The following OLFML2B variants were observed in gnomAD, a reference collection of about 807,000 sequenced individuals.
The protein encoded by OLFML2B is olfactomedin-like protein 2B.
OLFML2B carries 57 observed loss-of-function variants against 74.9 expected under a neutral mutation model. The ratio of observed to expected loss-of-function variants is 0.76; its 90% CI spans 0.61 to 0.95. The LOEUF (loss-of-function observed/expected upper bound fraction) is 0.95, where lower values mean the gene tolerates loss of function less well. OLFML2B is among the 40% of genes least tolerant of loss of function. The pLI, the probability that OLFML2B is intolerant of heterozygous loss-of-function variation, is 0.00. For missense variants in OLFML2B, 986 were observed against 970.6 expected, an observed-to-expected ratio of 1.02 and a Z score of -0.21; for synonymous variants, 388 against 405.8, an observed-to-expected ratio of 0.96 and a Z score of 0.53.
In OLFML2B at chr1:162,023,248, G is replaced by A. The variant is rs1690776484; in HGVS notation, c.174+9C>T. On this transcript the variant is annotated intron_variant, in intron 1 of 7. Coordinates refer to ENST00000294794, the MANE Select transcript of OLFML2B (RefSeq NM_015441.3). ...GCAAGAAGGGCGGTCGTGGCACTCT[G>A]CATCCTACCTGAGATAAAACGTTCT... is the stretch of plus-strand genomic sequence containing the variant. The A allele has an allele frequency of 5.3e-6, 8 of 1,503,578 alleles. No individual in the cohort carries two copies. Among genetic ancestry groups the A allele is most frequent in the South Asian group, 1.3e-5 (1 of 75,854 alleles). 93.1% of individuals were successfully genotyped at this position (1,503,578 alleles called of 1,614,324 possible).
Position 162,009,541 on chromosome 1 carries a change from G to C in OLFML2B, c.547-3068C>G, listed in dbSNP as rs543612026. On this transcript the variant is annotated intron_variant, in intron 3 of 7. Transcript: ENST00000294794. ...GTCTCCCATCCCCTTTTGGGTGTCA[G>C]TGAGGAGCCATTATTCTGCATTTCC... is the stretch of plus-strand genomic sequence containing the variant. Among the ~76,000 whole-genome samples the C allele has an allele frequency of 1.7e-3, 260 of 152,328 alleles. 2 individuals carry two copies. Among genetic ancestry groups the C allele is most frequent in the Non-Finnish European group, 2.1e-3 (146 of 68,024 alleles).
At chr1:162,012,381 T>A (rs1296512013) in intron 3 of OLFML2B, among the ~76,000 whole-genome samples, 24 of 152,250 alleles carry the variant, frequency 1.6e-4, no homozygotes, top group Admixed American at 1.6e-3. Context: ...TCTTTGATCA[T>A]GCCTTTCAGT....
intron 6 of OLFML2B, among the ~76,000 whole-genome samples, chr1:161,985,595 A>G (rs1220356841): frequency 6.6e-6 from 1 of 152,200 alleles, no homozygotes; most frequent in Non-Finnish European, 1.5e-5. Context: ...GGGTGTAACC[A>G]GGAACTCGGC....
At chr1:162,000,703 C>T (rs1162022607) in intron 4 of OLFML2B, among the ~76,000 whole-genome samples, 1 of 152,086 alleles carries the variant, frequency 6.6e-6, no homozygotes, top group African/African-American at 2.4e-5. Flanking sequence ...ATGCAGTCCT[C>T]CTCTTGGATC....
chr1:161,990,687 T>C (rs767426748), intron 6 of OLFML2B, among the ~76,000 whole-genome samples: 3 of 152,216 alleles, frequency 2.0e-5, no homozygotes, highest in Admixed American at 6.5e-5. Flanking sequence ...GGCAATTTCT[T>C]AAAATAAGAC....
intron 3 of OLFML2B, among the ~76,000 whole-genome samples, chr1:162,007,814 G>T (rs1332474681): frequency 6.6e-6 from 1 of 152,140 alleles, no homozygotes; most frequent in Non-Finnish European, 1.5e-5. Context: ...CTTGTTAAAT[G>T]AACCTGGCTC....
At chr1:162,009,006 C>T (rs1690305662) in intron 3 of OLFML2B, among the ~76,000 whole-genome samples, 2 of 152,178 alleles carry the variant, frequency 1.3e-5, no homozygotes, top group South Asian at 4.1e-4. Context: ...CCAAGCCCAG[C>T]AGGTGCAGGG....
intron 3 of OLFML2B, among the ~76,000 whole-genome samples, chr1:162,013,950 T>C (rs530158903): frequency 6.8e-6 from 1 of 147,282 alleles, no homozygotes; most frequent in Non-Finnish European, 1.5e-5. Context: ...TTCTGTAGGA[T>C]TCTATGTATT....
At position 162,017,317 on chromosome 1, in the gene OLFML2B, C is replaced by T. The variant is rs1285575689; in HGVS notation, c.546+83G>A. 3 of 988,182 alleles carry T rather than the reference C, an allele frequency of 3.0e-6. No individual in the cohort carries two copies. The African/African-American group carries it at 4.8e-5, about 16-fold the overall frequency. 61.2% of individuals were successfully genotyped at this position (988,182 alleles called of 1,614,324 possible). A position where few individuals can be genotyped will look rare whatever the true frequency, so the allele number is the denominator to read the frequency against. On this transcript the variant is annotated intron_variant, in intron 3 of 7. Transcript: ENST00000294794. ...GGGTTAAGTCTAGTCAGCACATGTG[C>T]TAGCTGAAAATTTACTGTGGGACGT...
intron 3 of OLFML2B, among the ~76,000 whole-genome samples, chr1:162,012,846 A>G (rs1435941999): frequency 6.6e-6 from 1 of 152,240 alleles, no homozygotes; most frequent in Non-Finnish European, 1.5e-5. Context: ...TTTTACAGAA[A>G]TGACTGAAAC....
intron 7 of OLFML2B, 108 bp downstream of exon 7, chr1:161,984,696 G>T: frequency 8.8e-7 from 1 of 1,142,578 alleles, no homozygotes. Context: ...TCAGAAGAAG[G>T]TGTCATCCTT....
Position 162,019,911 on chromosome 1 carries a change from G to A in OLFML2B, c.438+8C>T. 2.5e-6 allele frequency: 4 copies of A among 1,613,832 alleles called. No homozygotes were observed. Among genetic ancestry groups the A allele is most frequent in the Non-Finnish European group, 3.4e-6 (4 of 1,179,870 alleles). ...TCGTCCAAGGCATTGCCCCATACCA[G>A]GTCCTACCTTCAAGTCCTGGCTGTC... On this transcript the variant is annotated splice_region_variant and intron_variant, in intron 2 of 7. Coordinates refer to ENST00000294794, the MANE Select transcript of OLFML2B (RefSeq NM_015441.3).
At chr1:162,000,388 G>T (rs1230639555) in intron 4 of OLFML2B, 50 bp from the exon 5 acceptor site, 4 of 1,521,000 alleles carry the variant, frequency 2.6e-6, no homozygotes, top group East Asian at 4.6e-5. Flanking sequence ...GGTCAGAGAG[G>T]CAGTGGGCAG....
chr1:161,987,055 C>T (rs1017327967), intron 6 of OLFML2B, among the ~76,000 whole-genome samples: 39 of 152,274 alleles, frequency 2.6e-4, no homozygotes, highest in Non-Finnish European at 1.8e-4. Context: ...GGCCCTAATG[C>T]TGGGCTATAG....
At position 161,998,259 on chromosome 1, in the gene OLFML2B, C is replaced by T. The variant is rs76125299; in HGVS notation, c.1040G>A (p.Arg347Gln). Residue 347 changes from arginine to glutamine, a missense_variant, in exon 6 of 8, where the codon CGG (arginine) becomes CAG (glutamine). Arg to Gln is a conservative substitution (Grantham distance 43, BLOSUM62 1). Coordinates refer to ENST00000294794, the MANE Select transcript of OLFML2B (RefSeq NM_015441.3). ...RHNGLMTSVT[R>Q]RPAATRQGHS... ...TCCCTGACGGGTGGCTGCAGGCCTCCGGGTGACACTGGTCATCAGGCCGTT... is the reference window on the plus strand; with the variant it reads ...TCCCTGACGGGTGGCTGCAGGCCTCTGGGTGACACTGGTCATCAGGCCGTT... 3,996 of 1,609,146 alleles carry T rather than the reference C, an allele frequency of 2.5e-3. 75 individuals carry two copies. In the African/African-American group the frequency reaches 0.044, roughly 18 times the overall value.
chr1:162,014,841 T>C (rs549134504), intron 3 of OLFML2B, among the ~76,000 whole-genome samples: 62 of 152,340 alleles, frequency 4.1e-4, no homozygotes, highest in African/African-American at 1.4e-3. Flanking sequence ...ATTTAATGGG[T>C]CTATGGGATA....
Position 161,997,952 on chromosome 1 carries a change from T to TG in OLFML2B, c.1346dup (p.Val450SerfsTer37). 6.2e-7 allele frequency: 1 copy of TG among 1,614,238 alleles called. No homozygotes were observed. The highest frequency in any genetic ancestry group is 8.5e-7 in the Non-Finnish European group (1 of 1,180,036). On this transcript the variant is annotated frameshift_variant, in exon 6 of 8. Transcript: ENST00000294794. LOFTEE classifies it high-confidence loss of function. ...TGACTGTGGTGGGAGGCACTGGGAC[T>TG]GTGTGCATAGCTTCCATCAATGCCT... is the stretch of plus-strand genomic sequence containing the variant.
Position 162,020,145 on chromosome 1 carries a change from T to A in OLFML2B, c.212A>T (p.Glu71Val), listed in dbSNP as rs1287332232. 1 of 1,614,130 alleles carries A rather than the reference T, an allele frequency of 6.2e-7. No homozygotes were observed. The highest frequency in any genetic ancestry group is 8.5e-7 in the Non-Finnish European group (1 of 1,180,004). The stretch of plus-strand genomic sequence containing the variant: ...ACACTTGCACTGACAGTCCGAGCCC[T>A]CAGACATAGCCTTGACCTTGTCATA... Reference protein sequence around the residue: ...GDYDKVKAMSEGSDCQCKCVV... With the variant: ...GDYDKVKAMSVGSDCQCKCVV... Residue 71 changes from glutamate (E) to valine (V), a missense_variant, in exon 2 of 8, where the codon GAG becomes GTG. Coordinates refer to ENST00000294794, the MANE Select transcript of OLFML2B (RefSeq NM_015441.3).
intron 6 of OLFML2B, among the ~76,000 whole-genome samples, chr1:161,990,863 T>G (rs1689720654): frequency 6.6e-6 from 1 of 152,242 alleles, no homozygotes; most frequent in Admixed American, 6.5e-5. Context: ...TTATGTAATA[T>G]TCAAAATCCT....
Sources: gnomAD v4.1 joint callset for allele counts (sites outside exome capture counted in the v4.1 genomes callset) on GRCh38, gnomAD v4.1.1 for gene constraint, MANE v1.5 for transcripts, NCBI Gene and HGNC (gene_info 2026-07-23, HGNC 2026-07-21) for gene names.